Variants in XKR4 observed in about 807,000 individuals in gnomAD.
XKR4 encodes XK-related protein 4.
XKR4 carries 12 observed loss-of-function variants against 53.9 expected under a neutral mutation model. The ratio of observed to expected loss-of-function variants is 0.22; its 90% CI spans 0.14 to 0.36. The LOEUF (loss-of-function observed/expected upper bound fraction) is 0.36, where lower values mean the gene tolerates loss of function less well. Among genes scored for constraint, XKR4 ranks in the 10% least tolerant of loss-of-function variants. The pLI, the probability that XKR4 is intolerant of heterozygous loss-of-function variation, is 1.00. For synonymous variants in XKR4, 354 were observed against 362.4 expected (o/e 0.98, Z 0.26); for missense variants, 799 against 859.5 (o/e 0.93, Z 0.88).
chr8:55,137,572 CT>C (rs369443865), intron 1 of XKR4, among the ~76,000 whole-genome samples: 9,229 of 130,748 alleles, frequency 0.071, 250 homozygotes, highest in South Asian at 0.12. Flanking sequence ...CAGAAGAGAA[CT>C]TTTTTTTTTT....
Position 55,102,316 on chromosome 8 carries a change from C to A in XKR4, c.-173C>A. Reference sequence around the variant, plus strand: ...GCCGCTAGCCCGGCCCAGCGCCCAGCCCGGCGGGCGGCGGGCGGCGGCGGA... The same window carrying A: ...GCCGCTAGCCCGGCCCAGCGCCCAGACCGGCGGGCGGCGGGCGGCGGCGGA... On this transcript the variant is annotated 5_prime_UTR_variant, in exon 1 of 3. Transcript: ENST00000327381. The surrounding 1 kb of genome is among the most constrained non-coding windows in gnomAD (Gnocchi z 5.1). The A allele has an allele frequency of 1.1e-6, 1 of 924,352 alleles. No homozygotes were observed. The highest frequency in any genetic ancestry group is 4.3e-5 in the South Asian group (1 of 23,204). The allele number at this position is 924,352 out of a possible 1,614,324, so 57.3% of individuals were successfully genotyped here.
intron 2 of XKR4, among the ~76,000 whole-genome samples, chr8:55,393,509 G>A (rs1804474494): frequency 6.6e-6 from 1 of 152,126 alleles, no homozygotes; most frequent in Non-Finnish European, 1.5e-5. Flanking sequence ...CATAATAGTT[G>A]AAGCTATATG....
chr8:55,376,750 A>G (rs533251055), intron 2 of XKR4, among the ~76,000 whole-genome samples: 75 of 152,196 alleles, frequency 4.9e-4, no homozygotes, highest in African/African-American at 1.7e-3. Context: ...AAAGTATAGG[A>G]TTCCTAAAAC....
intron 2 of XKR4, among the ~76,000 whole-genome samples, chr8:55,521,389 T>A (rs537095364): frequency 1.3e-5 from 2 of 152,334 alleles, no homozygotes; most frequent in South Asian, 2.1e-4. Flanking sequence ...TTTTTTAAAC[T>A]TTTTCTCCTT....
chr8:55,304,968 T>G (rs1351046640), intron 1 of XKR4, among the ~76,000 whole-genome samples: 1 of 152,094 alleles, frequency 6.6e-6, no homozygotes, highest in Admixed American at 6.5e-5. Context: ...TATTAAACAC[T>G]TGAAGAAAAT....
intron 1 of XKR4, among the ~76,000 whole-genome samples, chr8:55,172,025 C>T (rs1817166552): frequency 6.6e-6 from 1 of 152,050 alleles, no homozygotes; most frequent in South Asian, 2.1e-4. Flanking sequence ...ACCAGCCTGG[C>T]CAACATGGTG....
In XKR4 at chr8:55,523,602, T is replaced by A. The variant is rs1443857595; in HGVS notation, c.1328T>A (p.Phe443Tyr). The change falls in exon 3 of 3, where the codon TTC becomes TAC. Residue 443 changes from phenylalanine (F) to tyrosine (Y), a missense_variant. This residue lies in a region of XKR4 where 269 missense variants were observed against 264.4 expected (regional missense o/e 1.02). Transcript: ENST00000327381. ...FDMVVGIIYI[F>Y]SWFNVKEGRT... is the part of the protein sequence containing the mutation. ...ATGGTGGTGGGGATTATCTATATCT[T>A]CAGTTGGTTCAATGTCAAGGAAGGC... 4.3e-6 allele frequency: 7 copies of A among 1,614,072 alleles called. No homozygotes were observed. The East Asian group carries it at 1.6e-4, about 36-fold the overall frequency.
intron 2 of XKR4, among the ~76,000 whole-genome samples, chr8:55,409,403 T>C: frequency 6.6e-6 from 1 of 152,210 alleles, no homozygotes; most frequent in East Asian, 1.9e-4. Context: ...CCCAGGACTT[T>C]GGGTAAATTA....
chr8:55,299,582 T>C (rs529750219), intron 1 of XKR4, among the ~76,000 whole-genome samples: 86 of 152,254 alleles, frequency 5.6e-4, no homozygotes, highest in Admixed American at 2.2e-3. Flanking sequence ...GAGTAAGAAT[T>C]CTGTTAAAAT....
Position 55,537,243 on chromosome 8 carries a change from A to G in XKR4, c.*13016A>G, listed in dbSNP as rs1293524787. 1 of 152,244 alleles carries G rather than the reference A, an allele frequency of 6.6e-6. No individual in the cohort carries two copies. Among genetic ancestry groups the G allele is most frequent in the Non-Finnish European group, 1.5e-5 (1 of 68,044 alleles). The allele number at this position is 152,244 out of a possible 1,614,324, so 9.4% of individuals were successfully genotyped here. ...GTTAAAATTCCTGGGAAAAAAAGAAAAAGTTTACGTCAAAGGAAAATTCAC... is the reference window on the plus strand; with the variant it reads ...GTTAAAATTCCTGGGAAAAAAAGAAGAAGTTTACGTCAAAGGAAAATTCAC... On this transcript the variant is annotated 3_prime_UTR_variant, in exon 3 of 3. Coordinates refer to ENST00000327381, the MANE Select transcript of XKR4 (RefSeq NM_052898.2).
chr8:55,247,524 T>G (rs1818300157), intron 1 of XKR4, among the ~76,000 whole-genome samples: 1 of 152,182 alleles, frequency 6.6e-6, no homozygotes, highest in Non-Finnish European at 1.5e-5. Context: ...AAATGACTTA[T>G]TTGAGCCCAT....
At chr8:55,348,416 C>T (rs758335241) in intron 1 of XKR4, among the ~76,000 whole-genome samples, 2 of 152,142 alleles carry the variant, frequency 1.3e-5, no homozygotes, top group East Asian at 1.9e-4. Flanking sequence ...CACAGGATAT[C>T]GTCTATGAGA....
intron 2 of XKR4, among the ~76,000 whole-genome samples, chr8:55,370,287 G>A (rs1804053555): frequency 1.3e-5 from 2 of 152,122 alleles, no homozygotes; most frequent in African/African-American, 4.8e-5. Flanking sequence ...GTCAATAAAG[G>A]TGACAAAGGC....
chr8:55,352,625 T>A (rs1396330089), intron 1 of XKR4, among the ~76,000 whole-genome samples: 1 of 152,244 alleles, frequency 6.6e-6, no homozygotes, highest in Non-Finnish European at 1.5e-5. Flanking sequence ...GAATGCTTAC[T>A]ATCTATTAAT....
chr8:55,153,704 T>G (rs964388639), intron 1 of XKR4, among the ~76,000 whole-genome samples: 15 of 152,226 alleles, frequency 9.9e-5, no homozygotes, highest in Admixed American at 9.2e-4. Context: ...TGACAAATCT[T>G]AACTGTTAAG....
chr8:55,237,618 A>G (rs1023851168), intron 1 of XKR4, among the ~76,000 whole-genome samples: 1 of 152,206 alleles, frequency 6.6e-6, no homozygotes, highest in Non-Finnish European at 1.5e-5. Flanking sequence ...TTCAAGGATC[A>G]ACTTCTGCAT....
chr8:55,132,529 G>A (rs1816571004), intron 1 of XKR4, among the ~76,000 whole-genome samples: 1 of 152,174 alleles, frequency 6.6e-6, no homozygotes, highest in Non-Finnish European at 1.5e-5. Flanking sequence ...ATCTCTCTCT[G>A]TGGCTCTCAA....
At chr8:55,128,379 G>A (rs534905865) in intron 1 of XKR4, among the ~76,000 whole-genome samples, 8 of 152,308 alleles carry the variant, frequency 5.3e-5, no homozygotes, top group African/African-American at 1.9e-4. Flanking sequence ...CAGCTCTCAT[G>A]CACATAGAAG....
At chr8:55,296,054 C>A (rs1304873001) in intron 1 of XKR4, among the ~76,000 whole-genome samples, 1 of 152,100 alleles carries the variant, frequency 6.6e-6, no homozygotes, top group Non-Finnish European at 1.5e-5. Context: ...GATCAATGGT[C>A]TAAAGCTGGT....
Sources: allele counts gnomAD v4.1 joint callset (sites outside exome capture counted in the v4.1 genomes callset), GRCh38; gene constraint gnomAD v4.1.1; regional missense constraint gnomAD v4.1.1; non-coding constraint Gnocchi (gnomAD v3.1); transcripts MANE v1.5; gene names NCBI Gene and HGNC (gene_info 2026-07-23, HGNC 2026-07-21).